Variants in NUP58 observed in about 807,000 individuals in gnomAD.
NUP58 encodes nucleoporin p58/p45.
NUP58 carries 17 observed loss-of-function variants against 70.1 expected under a neutral mutation model. The observed-to-expected ratio is 0.24, with a 90% CI of 0.17 to 0.36. The LOEUF is 0.36. NUP58 is among the 10% of genes least tolerant of loss of function. NUP58 has a pLI of 1.00. For missense variants in NUP58, 644 were observed against 701.5 expected, an observed-to-expected ratio of 0.92 and a Z score of 0.93; for synonymous variants, 275 against 257.6, an observed-to-expected ratio of 1.07 and a Z score of -0.65.
chr13:25,338,128 G>A (rs531342925), intron 14 of NUP58, among the ~76,000 whole-genome samples: 69 of 152,230 alleles, frequency 4.5e-4, no homozygotes, highest in Non-Finnish European at 6.0e-4. Context: ...GATTTAAAGT[G>A]CTTGATTATG....
At chr13:25,335,755 A>G (rs1173614026) in intron 13 of NUP58, 9 of 983,550 alleles carry the variant, frequency 9.2e-6, no homozygotes, top group African/African-American at 3.5e-5. Context: ...TTAATATACA[A>G]ACCTCATTCT....
At chr13:25,315,001 G>A (rs893885444) in intron 5 of NUP58, among the ~76,000 whole-genome samples, 7 of 152,086 alleles carry the variant, frequency 4.6e-5, no homozygotes, top group African/African-American at 1.7e-4. Context: ...AAGACAAGAT[G>A]TATTCACCTG....
In NUP58 at chr13:25,325,049, G is replaced by A; in HGVS notation, c.1012G>A (p.Glu338Lys). The change falls in exon 10 of 16, where the codon GAA (glutamate) becomes AAA (lysine). Residue 338 changes from glutamate to lysine, a missense_variant. Transcript: ENST00000381736. ...GAAGACACCACCTGGACTTCAACAT[G>A]AATATGCAGCTCCTGCTGAGTAAGT... is the stretch of plus-strand genomic sequence containing the variant. ...TQKTPPGLQH[E>K]YAAPADYFRI... 6.2e-7 allele frequency: 1 copy of A among 1,609,808 alleles called. No individual in the cohort carries two copies. Among genetic ancestry groups the A allele is most frequent in the South Asian group, 1.1e-5 (1 of 90,754 alleles).
chr13:25,336,470 C>G (rs2031786724), intron 13 of NUP58: 1 of 372,586 alleles, frequency 2.7e-6, no homozygotes, highest in South Asian at 2.4e-5. Flanking sequence ...TAGTGTCAGT[C>G]TCTCTTGATC....
chr13:25,331,026 A>G (rs1213787404), intron 12 of NUP58, among the ~76,000 whole-genome samples: 4 of 152,108 alleles, frequency 2.6e-5, no homozygotes, highest in Non-Finnish European at 5.9e-5. Context: ...TTATTTTTAA[A>G]TTCTTTTCAT....
chr13:25,311,846 T>G (rs2030685056), intron 3 of NUP58, among the ~76,000 whole-genome samples: 2 of 152,096 alleles, frequency 1.3e-5, no homozygotes, highest in African/African-American at 4.8e-5. Context: ...TGAAGTAGGA[T>G]CGACAGGATT....
intron 10 of NUP58, among the ~76,000 whole-genome samples, chr13:25,325,651 T>C (rs1290411011): frequency 5.3e-5 from 8 of 152,234 alleles, no homozygotes; most frequent in Admixed American, 5.2e-4. Context: ...GCTGTTGTTA[T>C]TCCAGTTTTA....
chr13:25,304,487 TATATATA>T (rs1336283912), intron 1 of NUP58, among the ~76,000 whole-genome samples: 2 of 59,040 alleles, frequency 3.4e-5, no homozygotes, highest in Non-Finnish European at 7.0e-5. Context: ...ATTATATATA[TATATATA>T]TATATATATA....
At chr13:25,331,729 C>T in intron 13 of NUP58, 171 bp downstream of exon 13, 1 of 1,426,794 alleles carries the variant, frequency 7.0e-7, no homozygotes. Flanking sequence ...ATAAAAAAGG[C>T]AGGGTAGTCT....
chr13:25,347,228 G>A (rs1448513290), downstream of NUP58, among the ~76,000 whole-genome samples: 1 of 152,096 alleles, frequency 6.6e-6, no homozygotes, highest in Non-Finnish European at 1.5e-5. Context: ...TTCAAGTTAG[G>A]GATTCTCAAC....
At chr13:25,308,124 C>T (rs2030466424) in intron 2 of NUP58, 176 bp downstream of exon 2, 1 of 545,642 alleles carries the variant, frequency 1.8e-6, no homozygotes, top group Non-Finnish European at 3.1e-6. Context: ...TAGGCCCAAT[C>T]ATTGACTGTC....
At chr13:25,328,305 A>G (rs2031478114) in intron 12 of NUP58, among the ~76,000 whole-genome samples, 1 of 151,844 alleles carries the variant, frequency 6.6e-6, no homozygotes, top group South Asian at 2.1e-4. Flanking sequence ...GGCTTACAGC[A>G]TTTCTCCCTT....
intron 10 of NUP58, among the ~76,000 whole-genome samples, chr13:25,326,165 T>C (rs964171111): frequency 6.6e-5 from 10 of 152,204 alleles, no homozygotes; most frequent in African/African-American, 2.2e-4. Flanking sequence ...GATATTCGTC[T>C]TACTCAGGTT....
chr13:25,332,581 C>T, intron 13 of NUP58: 1 of 985,348 alleles, frequency 1.0e-6, no homozygotes, highest in Non-Finnish European at 1.2e-6. Context: ...GCTACCTATA[C>T]TAGGGAAGCA....
chr13:25,325,095 A>G (rs1043618612), intron 10 of NUP58, 27 bp downstream of exon 10: 1 of 1,490,672 alleles, frequency 6.7e-7, no homozygotes, highest in East Asian at 2.3e-5. Context: ...TTAAAAACAA[A>G]TGTTTCTCAC....
chr13:25,327,013 A>G lies in NUP58; in HGVS notation c.1129A>G (p.Asn377Asp). The G allele has an allele frequency of 6.3e-7, 1 of 1,597,834 alleles. No homozygotes were observed. Among genetic ancestry groups the G allele is most frequent in the Non-Finnish European group, 8.6e-7 (1 of 1,168,458 alleles). Reference sequence around the variant, plus strand: ...AAACCATCTTGCCACTCAAGCAAATAATTCACATATAACCCCTCAAGGTAA... The same window carrying G: ...AAACCATCTTGCCACTCAAGCAAATGATTCACATATAACCCCTCAAGGTAA... ...LENHLATQAN[N>D]SHITPQDLSM... is the part of the protein sequence containing the mutation. The change falls in exon 11 of 16, where the codon AAT becomes GAT. Residue 377 changes from asparagine to aspartate, a missense_variant. By Grantham distance (23) the Asn-to-Asp change is conservative. Around this residue, in one of 4 missense-constraint regions of NUP58, gnomAD observed 78 missense variants for 71.3 expected, o/e 1.09. Transcript: ENST00000381736.
chr13:25,323,079 C>T (rs1048525874), intron 9 of NUP58, among the ~76,000 whole-genome samples: 44 of 152,028 alleles, frequency 2.9e-4, no homozygotes, highest in African/African-American at 1.0e-3. Flanking sequence ...ATATAATGGG[C>T]ACATTAATAG....
chr13:25,333,743 T>G (rs899243598), intron 13 of NUP58: 36 of 985,134 alleles, frequency 3.7e-5, no homozygotes, highest in Middle Eastern at 5.2e-4. Context: ...ACCCCATAAG[T>G]TATCCCTTAT....
In NUP58 at chr13:25,341,403, A is replaced by C. The variant is rs2031951516; in HGVS notation, c.*1269A>C. 6.6e-6 allele frequency: 1 copy of C among 152,614 alleles called. No homozygotes were observed. The highest frequency in any genetic ancestry group is 2.1e-4 in the South Asian group (1 of 4,836). 9.5% of individuals were successfully genotyped at this position (152,614 alleles called of 1,614,324 possible). ...AAGGATGCACTAAAGTTCTCACTTT[A>C]GTGAGAACTTTTCTAGCTATTCCAA... On this transcript the variant is annotated 3_prime_UTR_variant, in exon 16 of 16. Coordinates refer to ENST00000381736, the MANE Select transcript of NUP58 (RefSeq NM_014089.4).
Sources: allele counts gnomAD v4.1 joint callset (sites outside exome capture counted in the v4.1 genomes callset), GRCh38; gene constraint gnomAD v4.1.1; regional missense constraint gnomAD v4.1.1; transcripts MANE v1.5; gene names NCBI Gene and HGNC (gene_info 2026-07-23, HGNC 2026-07-21).